The following ARHGAP24 variants were observed in gnomAD, a reference collection of about 807,000 sequenced individuals.
ARHGAP24 encodes the protein rho GTPase-activating protein 24.
ARHGAP24 carries 50 observed loss-of-function variants against 76.4 expected under a neutral mutation model. That is an observed-to-expected ratio of 0.65 (90% CI 0.52 to 0.83). The LOEUF (loss-of-function observed/expected upper bound fraction) is 0.83. Among genes scored for constraint, ARHGAP24 ranks in the 40% least tolerant of loss-of-function variants. ARHGAP24 has a pLI of 0.00. For missense variants in ARHGAP24, 930 were observed against 914.2 expected, an observed-to-expected ratio of 1.02 and a Z score of -0.22; for synonymous variants, 345 against 323.3, an observed-to-expected ratio of 1.07 and a Z score of -0.72.
At chr4:85,537,076 A>G (rs1725495802) in intron 1 of ARHGAP24, among the ~76,000 whole-genome samples, 2 of 152,168 alleles carry the variant, frequency 1.3e-5, no homozygotes, top group Admixed American at 6.5e-5. Context: ...ATCATTACTG[A>G]GGACTACAGT....
intron 1 of ARHGAP24, among the ~76,000 whole-genome samples, chr4:85,538,469 A>T (rs140574014): frequency 6.6e-6 from 1 of 152,274 alleles, no homozygotes; most frequent in East Asian, 1.9e-4. Flanking sequence ...GCTGTGAGGG[A>T]AAGGCAACTA....
chr4:85,922,401 G>A (rs1735774291), intron 3 of ARHGAP24, among the ~76,000 whole-genome samples: 2 of 152,190 alleles, frequency 1.3e-5, no homozygotes, highest in Admixed American at 6.5e-5. Flanking sequence ...TTGTAAACTG[G>A]AGCCTGTAAA....
intron 3 of ARHGAP24, among the ~76,000 whole-genome samples, chr4:85,873,714 A>G (rs866942987): frequency 6.6e-5 from 10 of 152,236 alleles, no homozygotes; most frequent in African/African-American, 2.2e-4. Flanking sequence ...CTATTTCAGT[A>G]TACCCATCTT....
chr4:85,840,111 C>T (rs1303625156), intron 3 of ARHGAP24, among the ~76,000 whole-genome samples: 3 of 150,770 alleles, frequency 2.0e-5, no homozygotes, highest in African/African-American at 4.9e-5. Context: ...ATGATCCACC[C>T]ACCTCACCCT....
chr4:85,761,678 T>C (rs934301917), intron 3 of ARHGAP24, among the ~76,000 whole-genome samples: 10 of 152,162 alleles, frequency 6.6e-5, no homozygotes, highest in Admixed American at 5.2e-4. Context: ...GGGTGGAGAC[T>C]CAGATTACTC....
intron 2 of ARHGAP24, among the ~76,000 whole-genome samples, chr4:85,674,789 A>G (rs1416014056): frequency 6.6e-6 from 1 of 152,230 alleles, no homozygotes; most frequent in Non-Finnish European, 1.5e-5. Context: ...TTCACATTCC[A>G]TGACTCCTAT....
intron 2 of ARHGAP24, among the ~76,000 whole-genome samples, chr4:85,631,145 A>G (rs896591122): frequency 6.6e-6 from 1 of 152,182 alleles, no homozygotes; most frequent in Non-Finnish European, 1.5e-5. Context: ...AAGGTCTTCC[A>G]TACTCTGAGA....
chr4:85,680,928 A>T (rs1488022777), intron 2 of ARHGAP24, among the ~76,000 whole-genome samples: 1 of 151,756 alleles, frequency 6.6e-6, no homozygotes, highest in Non-Finnish European at 1.5e-5. Context: ...TCTTTTTCAT[A>T]TTTTTCTGAT....
At chr4:85,852,116 A>C (rs1731268738) in intron 3 of ARHGAP24, among the ~76,000 whole-genome samples, 1 of 152,176 alleles carries the variant, frequency 6.6e-6, no homozygotes, top group Non-Finnish European at 1.5e-5. Flanking sequence ...CTTCTCACAT[A>C]GTTCCATACT....
rs1211560499 is a variant in ARHGAP24, at chr4:85,995,318, G to T, written c.1664G>T (p.Trp555Leu). 13 of 1,613,816 alleles carry T rather than the reference G, an allele frequency of 8.1e-6. No homozygotes were observed. Among genetic ancestry groups the T allele is most frequent in the Non-Finnish European group, 1.1e-5 (13 of 1,180,012 alleles). The change falls in exon 9 of 10, where the codon TGG becomes TTG. Residue 555 changes from tryptophan (W) to leucine (L), a missense_variant. Transcript: ENST00000395184. ...DDKQSIDSATWSTSSCEISLP... is the reference protein window; with the variant it reads ...DDKQSIDSATLSTSSCEISLP... ...AAGCAGAGCATTGACAGTGCTACCT[G>T]GTCCACTTCCTCCTGTGAAATCTCC...
intron 2 of ARHGAP24, among the ~76,000 whole-genome samples, chr4:85,595,601 G>C (rs1423238665): frequency 1.3e-5 from 2 of 152,004 alleles, no homozygotes; most frequent in Non-Finnish European, 2.9e-5. Context: ...GAACATAATG[G>C]AAAGATGCTG....
chr4:85,504,654 G>A (rs191785823), intron 1 of ARHGAP24, among the ~76,000 whole-genome samples: 96 of 152,216 alleles, frequency 6.3e-4, no homozygotes, highest in African/African-American at 2.3e-3. Flanking sequence ...GCACACTGAT[G>A]GGTCTTGACT....
rs113874290 is a variant in ARHGAP24 at position 85,867,898 on chromosome 4, C to CATATATATATAT, written c.269-55739_269-55738insTATATATATATA. Among the ~76,000 whole-genome samples, 830 of 106,710 alleles carry CATATATATATAT rather than the reference C, an allele frequency of 7.8e-3. 15 individuals are homozygous for CATATATATATAT. Among genetic ancestry groups the CATATATATATAT allele is most frequent in the African/African-American group, 0.021 (722 of 34,688 alleles). The allele number at this position is 106,710 out of a possible 152,430, so 70.0% of individuals were successfully genotyped here. A position where few individuals can be genotyped will look rare whatever the true frequency, so the allele number is the denominator to read the frequency against. ...TAAACATATATAATGTGTGTGTGTA[C>CATATATATATAT]ATATATATATACATATATGTACACA... On this transcript the variant is annotated intron_variant, in intron 3 of 9. Transcript: ENST00000395184.
Position 85,923,727 on chromosome 4 carries a change from G to T in ARHGAP24, c.348G>T (p.Trp116Cys), listed in dbSNP as rs766244542. Residue 116 changes from tryptophan (W) to cysteine (C), a missense_variant, in exon 4 of 10, where the codon TGG becomes TGT. Trp to Cys is a radical substitution (Grantham distance 215). Coordinates refer to ENST00000395184, the MANE Select transcript of ARHGAP24 (RefSeq NM_001025616.3). ...MASTQNDMED[W>C]VKSIRRVIWG... ...GCACCCAGAATGATATGGAAGACTG[G>T]GTGAAGTCAATCCGCCGAGTCATAT... 2.3e-5 allele frequency: 37 copies of T among 1,613,850 alleles called. No homozygotes were observed. Among genetic ancestry groups the T allele is most frequent in the Non-Finnish European group, 3.1e-5 (37 of 1,179,950 alleles).
chr4:85,490,293 T>A lies in ARHGAP24; in HGVS notation c.-21+14734T>A, dbSNP rs1388524551. The stretch of plus-strand genomic sequence containing the variant: ...TACAAGATTAGAGATTGATTCCTGA[T>A]ACCAATGTTGACCCATAAATTGTAG... On this transcript the variant is annotated intron_variant, in intron 1 of 9. Coordinates refer to ENST00000395184, the MANE Select transcript of ARHGAP24 (RefSeq NM_001025616.3). Among the ~76,000 whole-genome samples, 3 of 152,296 alleles carry A rather than the reference T, an allele frequency of 2.0e-5. No individual in the cohort carries two copies. The East Asian group carries it at 5.8e-4, about 29-fold the overall frequency.
intron 3 of ARHGAP24, among the ~76,000 whole-genome samples, chr4:85,895,029 A>C (rs1734098850): frequency 7.4e-6 from 1 of 134,942 alleles, no homozygotes; most frequent in Non-Finnish European, 1.6e-5. Flanking sequence ...AAAGAAAAGA[A>C]AAGCAGGATT....
At chr4:85,738,727 G>T (rs1013963279) in intron 3 of ARHGAP24, among the ~76,000 whole-genome samples, 3 of 152,132 alleles carry the variant, frequency 2.0e-5, no homozygotes, top group South Asian at 4.2e-4. Flanking sequence ...TTAATTTTTT[G>T]TGTATGGTAT....
chr4:85,785,246 G>T (rs1727776541), intron 3 of ARHGAP24, among the ~76,000 whole-genome samples: 1 of 152,072 alleles, frequency 6.6e-6, no homozygotes, highest in African/African-American at 2.4e-5. Context: ...GCACTCAAAA[G>T]AAAACATTTT....
intron 3 of ARHGAP24, among the ~76,000 whole-genome samples, chr4:85,881,366 A>T (rs1246538037): frequency 6.6e-6 from 1 of 152,184 alleles, no homozygotes; most frequent in African/African-American, 2.4e-5. Flanking sequence ...GTATGTGTGT[A>T]ATTTATTTTA....
Sources: gnomAD v4.1 joint callset for allele counts (sites outside exome capture counted in the v4.1 genomes callset) on GRCh38, gnomAD v4.1.1 for gene constraint, MANE v1.5 for transcripts, NCBI Gene and HGNC (gene_info 2026-07-23, HGNC 2026-07-21) for gene names.